Variants in TMEM132B observed in about 807,000 individuals in gnomAD.
TMEM132B encodes transmembrane protein 132B.
Under a neutral mutation model 90.8 loss-of-function variants are expected in TMEM132B, and 18 were observed. The observed-to-expected ratio is 0.20, with a 90% CI of 0.14 to 0.29. The LOEUF (loss-of-function observed/expected upper bound fraction) is 0.29, where lower values mean the gene tolerates loss of function less well. TMEM132B is among the 10% of genes least tolerant of loss of function. The probability of loss-of-function intolerance (pLI) is 1.00; values close to 1 mark genes in which losing one functional copy is unlikely to be tolerated. For missense variants in TMEM132B, 1,096 were observed against 1,326.8 expected (o/e 0.83, Z 2.70); for synonymous variants, 504 against 523.3 (o/e 0.96, Z 0.50).
intron 1 of TMEM132B, among the ~76,000 whole-genome samples, chr12:125,285,802 C>T (rs1275030813): frequency 2.6e-5 from 4 of 152,224 alleles, no homozygotes; most frequent in Non-Finnish European, 5.9e-5. Context: ...GCCAAGTGGC[C>T]AGGGGGCAAA....
chr12:125,591,391 T>C (rs1885314110), intron 5 of TMEM132B, among the ~76,000 whole-genome samples: 1 of 151,986 alleles, frequency 6.6e-6, no homozygotes, highest in Admixed American at 6.6e-5. Flanking sequence ...CATCTCCAAC[T>C]CTCTCTCTCT....
At chr12:125,647,354 T>C (rs975301074) in intron 6 of TMEM132B, among the ~76,000 whole-genome samples, 7 of 152,148 alleles carry the variant, frequency 4.6e-5, no homozygotes, top group African/African-American at 1.7e-4. Context: ...ACACATAGTT[T>C]CAAAAAGCTT....
At chr12:125,564,788 C>T (rs1192652247) in intron 4 of TMEM132B, among the ~76,000 whole-genome samples, 1 of 152,188 alleles carries the variant, frequency 6.6e-6, no homozygotes, top group Non-Finnish European at 1.5e-5. Flanking sequence ...TGCTAGAACC[C>T]AGGCATTCAA....
intron 1 of TMEM132B, among the ~76,000 whole-genome samples, chr12:125,224,295 T>C (rs1873627349): frequency 6.6e-6 from 1 of 152,248 alleles, no homozygotes; most frequent in African/African-American, 2.4e-5. Flanking sequence ...TGTACTCCTG[T>C]TTCCATTTCT....
intron 1 of TMEM132B, among the ~76,000 whole-genome samples, chr12:125,243,778 G>C (rs1874144723): frequency 6.6e-6 from 1 of 152,060 alleles, no homozygotes; most frequent in Non-Finnish European, 1.5e-5. Flanking sequence ...CCCCCGTTTA[G>C]CTCCCACTTG....
In TMEM132B at chr12:125,653,972, C is replaced by T. The variant is rs1367462216; in HGVS notation, c.2514C>T (p.His838=). ...NQERAVQEWF[H]RGTPVGQEES... ...AGAGAGCAGTCCAGGAATGGTTCCA[C>T]CGTGGCACACCTGTTGGCCAAGAGG... The change falls in exon 9 of 9, where the codon CAC becomes CAT. Residue 838 remains histidine (H), a synonymous_variant. Coordinates refer to ENST00000682704, the MANE Select transcript of TMEM132B (RefSeq NM_001366854.1). 2 of 1,614,178 alleles carry T rather than the reference C, an allele frequency of 1.2e-6. No individual in the cohort carries two copies. Among genetic ancestry groups the T allele is most frequent in the East Asian group, 2.2e-5 (1 of 44,876 alleles).
chr12:125,228,312 G>A (rs972207129), intron 1 of TMEM132B, among the ~76,000 whole-genome samples: 2 of 152,208 alleles, frequency 1.3e-5, no homozygotes, highest in African/African-American at 2.4e-5. Context: ...GGGGCTCCAG[G>A]ACCACGTGTG....
At chr12:125,393,440 A>G (rs1157172401) in intron 2 of TMEM132B, among the ~76,000 whole-genome samples, 1 of 152,168 alleles carries the variant, frequency 6.6e-6, no homozygotes. Context: ...CAAGAAAACA[A>G]CAACAACAAC....
At chr12:125,319,222 G>A (rs143387018) in intron 1 of TMEM132B, among the ~76,000 whole-genome samples, 100 of 152,340 alleles carry the variant, frequency 6.6e-4, no homozygotes, top group African/African-American at 2.2e-3. Context: ...ATGGTGGCAC[G>A]TGTAGCGTGT....
chr12:125,381,044 G>T (rs181370573), intron 2 of TMEM132B, among the ~76,000 whole-genome samples: 2 of 152,304 alleles, frequency 1.3e-5, no homozygotes, highest in East Asian at 3.9e-4. Context: ...GAGAGAGAAA[G>T]GAAGACACCA....
rs375819908 is a variant in TMEM132B at position 125,652,470 on chromosome 12, G to C, written c.1944G>C (p.Leu648=). 6.2e-7 allele frequency: 1 copy of C among 1,610,698 alleles called. No homozygotes were observed. Among genetic ancestry groups the C allele is most frequent in the Non-Finnish European group, 8.5e-7 (1 of 1,178,282 alleles). ...TCTCGCCGTTGTCTGACTCCATCCT[G>C]GCTGAGAAGACGGTGATTGTCCTGG... ...QVLSPLSDSI[L]AEKTVIVLDD... The change falls in exon 8 of 9, where the codon CTG becomes CTC. Residue 648 remains leucine, a synonymous_variant. Coordinates refer to ENST00000682704, the MANE Select transcript of TMEM132B (RefSeq NM_001366854.1).
At chr12:125,553,166 C>T (rs1488820469) in intron 4 of TMEM132B, among the ~76,000 whole-genome samples, 8 of 152,186 alleles carry the variant, frequency 5.3e-5, no homozygotes, top group East Asian at 1.9e-4. Flanking sequence ...ATAATTTGCA[C>T]GGGTTCTTTA....
rs61748657 is a variant in TMEM132B, at chr12:125,644,264, G to A, written c.1626G>A (p.Pro542=). The A allele has an allele frequency of 2.9e-3, 4,721 of 1,614,108 alleles. 91 individuals carry two copies. The African/African-American group carries it at 0.046, about 16-fold the overall frequency. ...GCCAGATCAAGGGCTGGAGGATCCC[G>A]GTTGCTGCCAACAGAAGGTGAGGAA... ...ELSQIKGWRI[P]VAANRRPTRE... is the part of the protein sequence containing the mutation. The change falls in exon 6 of 9, where the codon CCG becomes CCA. Residue 542 remains proline, a synonymous_variant. Transcript: ENST00000682704.
intron 1 of TMEM132B, among the ~76,000 whole-genome samples, chr12:125,335,828 A>C (rs1043702800): frequency 1.3e-5 from 2 of 152,122 alleles, no homozygotes; most frequent in Admixed American, 1.3e-4. Context: ...CTCTACTAAA[A>C]ATACAAACAT....
At chr12:125,465,438 G>A (rs1881538206) in intron 3 of TMEM132B, among the ~76,000 whole-genome samples, 1 of 152,166 alleles carries the variant, frequency 6.6e-6, no homozygotes, top group Non-Finnish European at 1.5e-5. Flanking sequence ...TCTTATTAAT[G>A]CATTATGACT....
At position 125,197,526 on chromosome 12, in the gene TMEM132B, A is replaced by G. The variant is rs1298140034; in HGVS notation, c.67+10660A>G. On this transcript the variant is annotated intron_variant, in intron 1 of 8. Coordinates refer to ENST00000682704, the MANE Select transcript of TMEM132B (RefSeq NM_001366854.1). The stretch of plus-strand genomic sequence containing the variant: ...GGCCCTCTACTTGTTTTTTAAATAA[A>G]GTTTTATTGGAACACAGCGGTGCCT... Among the ~76,000 whole-genome samples the G allele has an allele frequency of 2.6e-5, 4 of 152,236 alleles. 1 individual carries two copies. Among genetic ancestry groups the G allele is most frequent in the Non-Finnish European group, 5.9e-5 (4 of 68,042 alleles).
rs199727376 is a variant in TMEM132B, at chr12:125,475,570, A to G, written c.1107-43869A>G. Among the ~76,000 whole-genome samples, 3 of 152,348 alleles carry G rather than the reference A, an allele frequency of 2.0e-5. No individual in the cohort carries two copies. In the East Asian group the frequency reaches 5.8e-4, roughly 29 times the overall value. ...GCAGGCAGAAGAACATGAAAAGGCT[A>G]GACTGGCTTAACCTCCCAGCCTACA... On this transcript the variant is annotated intron_variant, in intron 3 of 8. Transcript: ENST00000682704.
chr12:125,346,218 A>G (rs1295696938), intron 1 of TMEM132B, among the ~76,000 whole-genome samples: 1 of 152,268 alleles, frequency 6.6e-6, no homozygotes, highest in Non-Finnish European at 1.5e-5. Flanking sequence ...CATTTCTTGT[A>G]AATCAATTTT....
chr12:125,188,313 G>A (rs1299470325), intron 1 of TMEM132B, among the ~76,000 whole-genome samples: 1 of 152,220 alleles, frequency 6.6e-6, no homozygotes, highest in Admixed American at 6.5e-5. Context: ...CGGTCCACGA[G>A]AGGGGCTGCT....
Sources: gnomAD v4.1 joint callset for allele counts (sites outside exome capture counted in the v4.1 genomes callset) on GRCh38, gnomAD v4.1.1 for gene constraint, MANE v1.5 for transcripts, NCBI Gene and HGNC (gene_info 2026-07-23, HGNC 2026-07-21) for gene names.